Variants in DNAH11 observed in about 807,000 individuals in gnomAD.
The protein encoded by DNAH11 is dynein axonemal heavy chain 11.
A neutral mutation model predicts 526.0 loss-of-function variants in DNAH11; 442 were observed. The observed-to-expected ratio is 0.84, with a 90% CI of 0.78 to 0.91. The LOEUF is 0.91. Ranked by LOEUF, DNAH11 falls within the 40% of genes least tolerant of loss-of-function variation. DNAH11 has a pLI of 0.00. For synonymous variants in DNAH11, 2,461 were observed against 1,935.9 expected (o/e 1.27, Z -7.12); for missense variants, 6,989 against 5,448.7 (o/e 1.28, Z -8.90).
intron 42 of DNAH11, among the ~76,000 whole-genome samples, chr7:21,714,912 C>T (rs1784594398): frequency 6.6e-6 from 1 of 152,186 alleles, no homozygotes; most frequent in South Asian, 2.1e-4. Flanking sequence ...GAAGCCACAA[C>T]TTTAGATCAT....
At chr7:21,765,829 C>A (rs1378814573) in intron 55 of DNAH11, among the ~76,000 whole-genome samples, 1 of 152,170 alleles carries the variant, frequency 6.6e-6, no homozygotes, top group East Asian at 1.9e-4. Flanking sequence ...CGTGCGTGAA[C>A]ACGGGCACGC....
chr7:21,810,330 C>A (rs1018115953), intron 63 of DNAH11, among the ~76,000 whole-genome samples: 4 of 152,102 alleles, frequency 2.6e-5, no homozygotes, highest in Non-Finnish European at 5.9e-5. Context: ...ATTTTCTATA[C>A]AACACTGTCA....
intron 54 of DNAH11, among the ~76,000 whole-genome samples, chr7:21,763,695 T>G (rs1000571858): frequency 2.0e-5 from 3 of 150,994 alleles, no homozygotes; most frequent in Admixed American, 6.6e-5. Flanking sequence ...TGAAGAGATA[T>G]CTACACTTTC....
intron 3 of DNAH11, among the ~76,000 whole-genome samples, chr7:21,559,256 A>G (rs779327336): frequency 6.6e-6 from 1 of 152,242 alleles, no homozygotes; most frequent in Non-Finnish European, 1.5e-5. Context: ...TCATATTTTT[A>G]AAATAAGTGC....
In DNAH11 at chr7:21,576,775, C is replaced by T. The variant is rs1784108861; in HGVS notation, c.1593+4802C>T. Among the ~76,000 whole-genome samples, 3 of 152,150 alleles carry T rather than the reference C, an allele frequency of 2.0e-5. No individual in the cohort carries two copies. The South Asian group carries it at 6.2e-4, about 32-fold the overall frequency. On this transcript the variant is annotated intron_variant, in intron 8 of 81. Coordinates refer to ENST00000409508, the MANE Select transcript of DNAH11 (RefSeq NM_001277115.2). Reference sequence around the variant, plus strand: ...CAAGGAAATGTAAAAACAAAGTGTTCAATGCACACTTATGTATATATATTA... The same window carrying T: ...CAAGGAAATGTAAAAACAAAGTGTTTAATGCACACTTATGTATATATATTA...
At chr7:21,548,488 G>A (rs1414394946) in intron 2 of DNAH11, among the ~76,000 whole-genome samples, 6 of 152,118 alleles carry the variant, frequency 3.9e-5, no homozygotes, top group African/African-American at 9.7e-5. Flanking sequence ...GGACACCTAC[G>A]GAGTTAACAT....
chr7:21,638,433 G>T (rs555998245), intron 27 of DNAH11, among the ~76,000 whole-genome samples: 1 of 152,202 alleles, frequency 6.6e-6, no homozygotes, highest in South Asian at 2.1e-4. Flanking sequence ...TTTCTGCTCT[G>T]CTAAGGGCAA....
chr7:21,845,533 A>T (rs1645560268), intron 66 of DNAH11, among the ~76,000 whole-genome samples: 1 of 151,996 alleles, frequency 6.6e-6, no homozygotes, highest in Non-Finnish European at 1.5e-5. Flanking sequence ...ATATGAATAG[A>T]TCAGTTGGAT....
chr7:21,796,798 C>CTT (rs1788733049), intron 61 of DNAH11, among the ~76,000 whole-genome samples: 1 of 152,230 alleles, frequency 6.6e-6, no homozygotes, highest in Non-Finnish European at 1.5e-5. Flanking sequence ...AAAAATCTCT[C>CTT]TGAGACTTAA....
intron 54 of DNAH11, among the ~76,000 whole-genome samples, chr7:21,752,832 C>T (rs1053741287): frequency 1.3e-5 from 2 of 152,168 alleles, no homozygotes; most frequent in African/African-American, 4.8e-5. Context: ...TCTGCCTCAG[C>T]CTCCTGAGTA....
At chr7:21,587,395 A>C (rs144667357) in intron 9 of DNAH11, among the ~76,000 whole-genome samples, 1 of 152,046 alleles carries the variant, frequency 6.6e-6, no homozygotes, top group East Asian at 1.9e-4. Flanking sequence ...TCTGCTTGCT[A>C]GTAGTTTCTG....
At chr7:21,819,326 G>C (rs146232053) in intron 65 of DNAH11, among the ~76,000 whole-genome samples, 1 of 151,940 alleles carries the variant, frequency 6.6e-6, no homozygotes, top group Admixed American at 6.6e-5. Flanking sequence ...CTAACTTCTT[G>C]GTCTCTAACT....
intron 36 of DNAH11, among the ~76,000 whole-genome samples, chr7:21,699,915 T>C (rs1383900586): frequency 6.6e-6 from 1 of 152,224 alleles, no homozygotes; most frequent in East Asian, 1.9e-4. Flanking sequence ...TTTCTGACTT[T>C]GAAGAATTTA....
chr7:21,631,717 G>T (rs1026251331), intron 25 of DNAH11, among the ~76,000 whole-genome samples: 1 of 152,208 alleles, frequency 6.6e-6, no homozygotes, highest in Admixed American at 6.5e-5. Context: ...CTCCGCCTCT[G>T]TGGCTTTTTG....
chr7:21,620,098 T>G lies in DNAH11; in HGVS notation c.4500+20T>G. The G allele has an allele frequency of 6.5e-7, 1 of 1,528,988 alleles. No individual in the cohort carries two copies. The highest frequency in any genetic ancestry group is 8.8e-7 in the Non-Finnish European group (1 of 1,137,944). The allele number at this position is 1,528,988 out of a possible 1,614,324, so 94.7% of individuals were successfully genotyped here. A position where few individuals can be genotyped will look rare whatever the true frequency, so the allele number is the denominator to read the frequency against. Reference sequence around the variant, plus strand: ...AACCAAGTAAGATGGATATTTTTATTGCATATATTTTTCATTTTATTTTTA... The same window carrying G: ...AACCAAGTAAGATGGATATTTTTATGGCATATATTTTTCATTTTATTTTTA... On this transcript the variant is annotated intron_variant, in intron 25 of 81. Transcript: ENST00000409508.
chr7:21,817,156 A>T (rs1471277444), intron 64 of DNAH11, among the ~76,000 whole-genome samples: 1 of 152,114 alleles, frequency 6.6e-6, no homozygotes, highest in Non-Finnish European at 1.5e-5. Flanking sequence ...TTAATTTATT[A>T]TCTTAGTCAA....
At chr7:21,622,913 G>A (rs1786143938) in intron 25 of DNAH11, among the ~76,000 whole-genome samples, 1 of 152,000 alleles carries the variant, frequency 6.6e-6, no homozygotes, top group African/African-American at 2.4e-5. Context: ...CATGGGCAAG[G>A]ACTTCATGTC....
rs1784359387 is a variant in DNAH11, at chr7:21,892,483, C to T, written c.12566C>T (p.Ala4189Val). 1 of 1,613,854 alleles carries T rather than the reference C, an allele frequency of 6.2e-7. No homozygotes were observed. The highest frequency in any genetic ancestry group is 8.5e-7 in the Non-Finnish European group (1 of 1,179,828). ...GFAAPPYLDY[A>V]GYHQYIEEML... ...GCTGCCCCACCCTACCTAGATTATG[C>T]AGGCTACCACCAGTACATAGAGGAG... The change falls in exon 77 of 82, where the codon GCA becomes GTA. Residue 4189 changes from alanine to valine, a missense_variant. By Grantham distance (64) the Ala-to-Val change is moderately conservative (BLOSUM62 0). Coordinates refer to ENST00000409508, the MANE Select transcript of DNAH11 (RefSeq NM_001277115.2).
intron 63 of DNAH11, among the ~76,000 whole-genome samples, chr7:21,811,499 T>C (rs186842105): frequency 2.0e-5 from 3 of 152,108 alleles, no homozygotes; most frequent in Admixed American, 2.0e-4. Flanking sequence ...CTTCAAACTT[T>C]ACGAGGGACC....
Sources: gnomAD v4.1 joint callset for allele counts (sites outside exome capture counted in the v4.1 genomes callset) on GRCh38, gnomAD v4.1.1 for gene constraint, MANE v1.5 for transcripts, NCBI Gene and HGNC (gene_info 2026-07-23, HGNC 2026-07-21) for gene names.